GALNT18: variants seen among roughly 807,000 people sequenced by gnomAD.
GALNT18 encodes polypeptide N-acetylgalactosaminyltransferase 18, also known as GalNAc-transferase 18.
In GALNT18, 44 loss-of-function variants were observed where a neutral mutation model predicts 69.5. The ratio of observed to expected loss-of-function variants is 0.63; its 90% CI spans 0.50 to 0.81. GALNT18 has a LOEUF of 0.81. Ranked by LOEUF, GALNT18 falls within the 40% of genes least tolerant of loss-of-function variation. The pLI, the probability that GALNT18 is intolerant of heterozygous loss-of-function variation, is 0.00. For synonymous variants in GALNT18, 364 were observed against 318.2 expected, an observed-to-expected ratio of 1.14 and a Z score of -1.53; for missense variants, 715 against 810.0, an observed-to-expected ratio of 0.88 and a Z score of 1.42.
intron 10 of GALNT18, among the ~76,000 whole-genome samples, chr11:11,291,457 TTAA>T (rs1849295109): frequency 6.7e-6 from 1 of 148,526 alleles, no homozygotes; most frequent in Admixed American, 6.7e-5. Context: ...ATTAAATGAG[TTAA>T]TATATGCCTG....
intron 4 of GALNT18, among the ~76,000 whole-genome samples, chr11:11,378,245 T>G (rs1853821445): frequency 6.6e-6 from 1 of 152,196 alleles, no homozygotes; most frequent in Admixed American, 6.5e-5. Flanking sequence ...TGAAGTGCCC[T>G]TGTCTCCCAC....
rs577746482 is a variant in GALNT18, at chr11:11,610,267, C to A, written c.235+11092G>T. 2.6e-5 allele frequency among the ~76,000 whole-genome samples: 4 copies of A among 152,330 alleles called. No individual in the cohort carries two copies. In the South Asian group the frequency reaches 8.3e-4, roughly 32 times the overall value. The stretch of plus-strand genomic sequence containing the variant: ...GCAGAAAAACAAGAGGGCCCTTAGC[C>A]CCTTGCTAAGGAGCTTAACAGTGGT... On this transcript the variant is annotated intron_variant, in intron 1 of 10. Coordinates refer to ENST00000227756, the MANE Select transcript of GALNT18 (RefSeq NM_198516.3).
intron 1 of GALNT18, among the ~76,000 whole-genome samples, chr11:11,466,969 T>C (rs1006495926): frequency 6.6e-6 from 1 of 152,184 alleles, no homozygotes; most frequent in African/African-American, 2.4e-5. Context: ...AAAATCTTCT[T>C]ACCTACTGGG....
At chr11:11,525,781 C>A (rs866214654) in intron 1 of GALNT18, among the ~76,000 whole-genome samples, 9 of 151,836 alleles carry the variant, frequency 5.9e-5, no homozygotes, top group African/African-American at 1.9e-4. Context: ...ATTACAGGCG[C>A]CCGCCACCAC....
At chr11:11,556,285 C>T (rs1858331370) in intron 1 of GALNT18, among the ~76,000 whole-genome samples, 1 of 152,232 alleles carries the variant, frequency 6.6e-6, no homozygotes, top group African/African-American at 2.4e-5. Context: ...GTACCATTCA[C>T]ATTGTAGTCT....
rs1174285783 is a variant in GALNT18 at position 11,387,837 on chromosome 11, G to A, written c.596-8573C>T. 2.0e-5 allele frequency among the ~76,000 whole-genome samples: 3 copies of A among 152,212 alleles called. No homozygotes were observed. Among genetic ancestry groups the A allele is most frequent in the African/African-American group, 7.2e-5 (3 of 41,462 alleles). On this transcript the variant is annotated intron_variant, in intron 3 of 10. Transcript: ENST00000227756. The surrounding 1 kb of genome is among the most constrained non-coding windows in gnomAD (Gnocchi z 4.6). ...ATGGTGAGCCTGGCTTGGGCAGCTG[G>A]GATCCCGGAGAGCTCCGGGCAGCAT...
In GALNT18 at chr11:11,448,943, AAAG is replaced by A. The variant is rs1442375778; in HGVS notation, c.236-10_236-8del. On this transcript the variant is annotated splice_region_variant and splice_polypyrimidine_tract_variant and intron_variant, in intron 1 of 10. Coordinates refer to ENST00000227756, the MANE Select transcript of GALNT18 (RefSeq NM_198516.3). ...TCAGGCTTGGCAGGAGCCTCTGGAG[AAAG>A]AAGGAACAGGAGACAGTGGGTCAGA... 1 of 1,573,384 alleles carries A rather than the reference AAAG, an allele frequency of 6.4e-7. No homozygotes were observed. The highest frequency in any genetic ancestry group is 1.3e-5 in the African/African-American group (1 of 74,164).
At chr11:11,608,171 C>A (rs1180746733) in intron 1 of GALNT18, among the ~76,000 whole-genome samples, 1 of 152,052 alleles carries the variant, frequency 6.6e-6, no homozygotes, top group African/African-American at 2.4e-5. Context: ...CAACTAATTG[C>A]AATGAAATGG....
chr11:11,312,829 A>G (rs7930155), intron 9 of GALNT18, among the ~76,000 whole-genome samples: 39,138 of 152,168 alleles, frequency 0.26, 5,856 homozygotes, highest in Middle Eastern at 0.35. Context: ...CATTTAGGAA[A>G]CAGAGGTGCA....
intron 1 of GALNT18, among the ~76,000 whole-genome samples, chr11:11,515,904 G>A (rs748947002): frequency 2.0e-5 from 3 of 152,220 alleles, no homozygotes; most frequent in Non-Finnish European, 2.9e-5. Context: ...GTCCCTCAAC[G>A]GGAGAGAGGC....
chr11:11,373,928 C>T (rs574171299), intron 5 of GALNT18, among the ~76,000 whole-genome samples: 10 of 152,144 alleles, frequency 6.6e-5, no homozygotes, highest in Non-Finnish European at 1.3e-4. Context: ...AGAAAACTGT[C>T]GGTCCATCAC....
chr11:11,273,322 A>T (rs1455246890), intron 10 of GALNT18, among the ~76,000 whole-genome samples: 1 of 152,178 alleles, frequency 6.6e-6, no homozygotes, highest in Non-Finnish European at 1.5e-5. Flanking sequence ...TTAATAACCA[A>T]GATACATAAG....
intron 10 of GALNT18, among the ~76,000 whole-genome samples, chr11:11,292,518 C>A (rs1849319418): frequency 2.0e-5 from 3 of 152,146 alleles, no homozygotes; most frequent in Non-Finnish European, 2.9e-5. Flanking sequence ...ACCTCTTCTC[C>A]CAGAGTGACC....
At position 11,413,397 on chromosome 11, in the gene GALNT18, C is replaced by T. The variant is rs565799920; in HGVS notation, c.595+19224G>A. Among the ~76,000 whole-genome samples the T allele has an allele frequency of 7.9e-5, 12 of 152,310 alleles. No individual in the cohort carries two copies. In the East Asian group the frequency reaches 1.7e-3, roughly 22 times the overall value. The stretch of plus-strand genomic sequence containing the variant: ...AGGCACTCTCTACTTTCTCTGGAGG[C>T]CATTTGATCTGGGGAGGTGATTTTA... On this transcript the variant is annotated intron_variant, in intron 3 of 10. Coordinates refer to ENST00000227756, the MANE Select transcript of GALNT18 (RefSeq NM_198516.3). The surrounding 1 kb of genome is among the most constrained non-coding windows in gnomAD (Gnocchi z 4.7).
Position 11,583,789 on chromosome 11 carries a change from G to A in GALNT18, c.235+37570C>T, listed in dbSNP as rs1859150816. 6.6e-6 allele frequency among the ~76,000 whole-genome samples: 1 copy of A among 152,172 alleles called. No individual in the cohort carries two copies. Among genetic ancestry groups the A allele is most frequent in the Non-Finnish European group, 1.5e-5 (1 of 68,034 alleles). On this transcript the variant is annotated intron_variant, in intron 1 of 10. Coordinates refer to ENST00000227756, the MANE Select transcript of GALNT18 (RefSeq NM_198516.3). The surrounding 1 kb of genome is among the most constrained non-coding windows in gnomAD (Gnocchi z 4.7). ...ACCAGACTTATAGCACTATCGGCCA[G>A]TAATGGTTAAGCTCACATGATGTGC...
intron 1 of GALNT18, among the ~76,000 whole-genome samples, chr11:11,536,018 C>T (rs1318498191): frequency 6.6e-6 from 1 of 152,200 alleles, no homozygotes; most frequent in Non-Finnish European, 1.5e-5. Context: ...CATTTCCCAT[C>T]CAAACACGTA....
chr11:11,348,799 G>T (rs1248520954), intron 6 of GALNT18, among the ~76,000 whole-genome samples: 4 of 152,110 alleles, frequency 2.6e-5, no homozygotes, highest in African/African-American at 9.7e-5. Flanking sequence ...TACCTTCCCT[G>T]GCTGCCCTAG....
chr11:11,568,179 A>C (rs1217747759), intron 1 of GALNT18, among the ~76,000 whole-genome samples: 1 of 152,258 alleles, frequency 6.6e-6, no homozygotes, highest in African/African-American at 2.4e-5. Context: ...GCAGAACCAC[A>C]GCCAACGCAC....
In GALNT18 at chr11:11,357,020, C is replaced by T. The variant is rs372066668; in HGVS notation, c.1092+15495G>A. Among the ~76,000 whole-genome samples, 13 of 152,270 alleles carry T rather than the reference C, an allele frequency of 8.5e-5. No individual in the cohort carries two copies. In the East Asian group the frequency reaches 1.9e-3, roughly 23 times the overall value. ...GCAATAGCCACGGAGCTTCCTGCTC[C>T]ATGTTTTCAGATGCCTTCCTGGAGC... is the stretch of plus-strand genomic sequence containing the variant. On this transcript the variant is annotated intron_variant, in intron 6 of 10. Transcript: ENST00000227756.
Sources: gnomAD v4.1 joint callset for allele counts (sites outside exome capture counted in the v4.1 genomes callset) on GRCh38, gnomAD v4.1.1 for gene constraint, Gnocchi (gnomAD v3.1) non-coding constraint, MANE v1.5 for transcripts, NCBI Gene and HGNC (gene_info 2026-07-23, HGNC 2026-07-21) for gene names.